Variants in CENPP observed in about 807,000 individuals in gnomAD.
The protein encoded by CENPP is centromere protein P.
In CENPP, 24 loss-of-function variants were observed where a neutral mutation model predicts 35.6. The observed-to-expected ratio is 0.67, with a 90% CI of 0.49 to 0.95. The LOEUF is 0.95. CENPP is among the 40% of genes least tolerant of loss of function. CENPP has a pLI of 0.00. For missense variants in CENPP, 332 were observed against 345.3 expected, an observed-to-expected ratio of 0.96 and a Z score of 0.31; for synonymous variants, 120 against 125.5, an observed-to-expected ratio of 0.96 and a Z score of 0.29.
intron 4 of CENPP, among the ~76,000 whole-genome samples, chr9:92,370,408 A>G (rs1746787): frequency 0.015 from 2,345 of 152,184 alleles, 31 homozygotes; most frequent in Non-Finnish European, 0.024. Flanking sequence ...TAGTTCTTCT[A>G]TGTATGTTTG....
At chr9:92,594,168 G>A (rs1388482421) in intron 5 of CENPP, among the ~76,000 whole-genome samples, 3 of 152,176 alleles carry the variant, frequency 2.0e-5, no homozygotes, top group African/African-American at 7.2e-5. Flanking sequence ...GTTTTAAAAA[G>A]TAGTTTAAGA....
intron 5 of CENPP, among the ~76,000 whole-genome samples, chr9:92,478,278 C>T (rs1437488243): frequency 6.6e-6 from 1 of 152,158 alleles, no homozygotes; most frequent in Admixed American, 6.5e-5. Flanking sequence ...ACACACTATT[C>T]TCATCTATTT....
intron 5 of CENPP, among the ~76,000 whole-genome samples, chr9:92,420,616 A>T (rs1843761085): frequency 6.6e-6 from 1 of 151,954 alleles, no homozygotes; most frequent in Non-Finnish European, 1.5e-5. Flanking sequence ...CTTATTCCCC[A>T]TTATTGTTTT....
At chr9:92,342,466 T>C (rs1841152876) in intron 3 of CENPP, among the ~76,000 whole-genome samples, 1 of 152,240 alleles carries the variant, frequency 6.6e-6, no homozygotes, top group Non-Finnish European at 1.5e-5. Flanking sequence ...GTTTAAGTTT[T>C]AAAGTATGTA....
chr9:92,485,659 T>C (rs936961600), intron 5 of CENPP, among the ~76,000 whole-genome samples: 5 of 152,198 alleles, frequency 3.3e-5, no homozygotes, highest in Non-Finnish European at 7.3e-5. Context: ...GGGGAGGACC[T>C]TGGAAACTGT....
chr9:92,379,219 T>G (rs796971856), intron 4 of CENPP, among the ~76,000 whole-genome samples: 4 of 152,332 alleles, frequency 2.6e-5, no homozygotes, highest in African/African-American at 9.6e-5. Flanking sequence ...AGACACATTA[T>G]CCTCCCAGTA....
intron 5 of CENPP, among the ~76,000 whole-genome samples, chr9:92,429,806 ATC>A (rs1844059744): frequency 6.6e-6 from 1 of 152,022 alleles, no homozygotes; most frequent in Non-Finnish European, 1.5e-5. Flanking sequence ...CATCATCATC[ATC>A]ATCATCATCA....
At chr9:92,515,069 C>T (rs757157539) in intron 5 of CENPP, 2 of 1,614,162 alleles carry the variant, frequency 1.2e-6, no homozygotes, top group Non-Finnish European at 1.7e-6. Context: ...TCTTTTCTTA[C>T]TATTCGGTCC....
At chr9:92,402,701 A>G (rs897882643) in intron 5 of CENPP, among the ~76,000 whole-genome samples, 2 of 152,236 alleles carry the variant, frequency 1.3e-5, no homozygotes, top group African/African-American at 4.8e-5. Context: ...ATTTAAAAAG[A>G]AAGTCCTATA....
At chr9:92,418,303 T>C (rs957798693) in intron 5 of CENPP, among the ~76,000 whole-genome samples, 2 of 151,638 alleles carry the variant, frequency 1.3e-5, no homozygotes, top group Non-Finnish European at 2.9e-5. Flanking sequence ...GCCAGGCTGG[T>C]CTCTAACTCC....
At position 92,497,961 on chromosome 9, in the gene CENPP, C is replaced by T. The variant is rs79582729; in HGVS notation, c.565-113353C>T. The stretch of plus-strand genomic sequence containing the variant: ...CATGTAATCTCTACACACTCCATCT[C>T]CCCTTCCACCATGAGTGGAAGCAGC... On this transcript the variant is annotated intron_variant, in intron 5 of 7. Coordinates refer to ENST00000375587, the MANE Select transcript of CENPP (RefSeq NM_001012267.3). 2.0e-5 allele frequency among the ~76,000 whole-genome samples: 3 copies of T among 152,162 alleles called. No homozygotes were observed. In the South Asian group the frequency reaches 6.2e-4, roughly 32 times the overall value.
chr9:92,486,685 A>G (rs1031340801), intron 5 of CENPP, among the ~76,000 whole-genome samples: 1 of 152,216 alleles, frequency 6.6e-6, no homozygotes, highest in Non-Finnish European at 1.5e-5. Context: ...GTTCTGAAAA[A>G]TGAATTATAA....
chr9:92,495,369 C>T, intron 5 of CENPP: 1 of 974,864 alleles, frequency 1.0e-6, no homozygotes, highest in South Asian at 4.8e-5. Flanking sequence ...ATAGTAAAGA[C>T]ATAGCTTTAT....
intron 5 of CENPP, chr9:92,416,551 TA>T (rs1375002641): frequency 2.5e-5 from 25 of 1,010,128 alleles, no homozygotes; most frequent in African/African-American, 1.3e-4. Flanking sequence ...GCTTATTGAA[TA>T]TTTTTTTCTT....
intron 5 of CENPP, among the ~76,000 whole-genome samples, chr9:92,599,641 T>A (rs1850861225): frequency 6.6e-6 from 1 of 152,144 alleles, no homozygotes; most frequent in South Asian, 2.1e-4. Flanking sequence ...GGTCTTGAAC[T>A]CCTGACCTGA....
rs553263871 is a variant in CENPP at position 92,407,759 on chromosome 9, A to G, written c.564+27900A>G. Among the ~76,000 whole-genome samples, 98 of 152,246 alleles carry G rather than the reference A, an allele frequency of 6.4e-4. 4 individuals are homozygous for G. In the South Asian group the frequency reaches 0.013, roughly 20 times the overall value. On this transcript the variant is annotated intron_variant, in intron 5 of 7. Transcript: ENST00000375587. ...GTAGCTGGGACTACAGGCATGCACC[A>G]CCATGCCTGGCTAATTAAAAAAATT...
At chr9:92,380,928 T>C (rs1301766151) in intron 5 of CENPP, among the ~76,000 whole-genome samples, 1 of 152,210 alleles carries the variant, frequency 6.6e-6, no homozygotes, top group Non-Finnish European at 1.5e-5. Context: ...GAAGTATAAT[T>C]GGTGTATTTT....
chr9:92,384,490 T>C (rs1287442684), intron 5 of CENPP: 1 of 152,210 alleles, frequency 6.6e-6, no homozygotes, highest in African/African-American at 2.4e-5. Context: ...CTAATACTTT[T>C]AGTGGGGTAC....
At chr9:92,612,916 CG>C in intron 7 of CENPP, 102 bp from the exon 8 acceptor site, 1 of 1,359,112 alleles carries the variant, frequency 7.4e-7, no homozygotes. Context: ...TGCAGCTAGT[CG>C]GGAGGAGTGC....
Sources: gnomAD v4.1 joint callset for allele counts (sites outside exome capture counted in the v4.1 genomes callset) on GRCh38, gnomAD v4.1.1 for gene constraint, MANE v1.5 for transcripts, NCBI Gene and HGNC (gene_info 2026-07-23, HGNC 2026-07-21) for gene names.